NRXN1: variants seen among roughly 807,000 people sequenced by gnomAD.
NRXN1 encodes the protein neurexin-1.
Under a neutral mutation model 150.9 loss-of-function variants are expected in NRXN1, and 39 were observed. That is an observed-to-expected ratio of 0.26 (90% confidence interval 0.20 to 0.34). The LOEUF is 0.34. Among genes scored for constraint, NRXN1 ranks in the 10% least tolerant of loss-of-function variants. The pLI is 1.00. For missense variants in NRXN1, 1,815 were observed against 1,949.9 expected, an observed-to-expected ratio of 0.93 and a Z score of 1.30; for synonymous variants, 924 against 757.0, an observed-to-expected ratio of 1.22 and a Z score of -3.62.
At chr2:50,531,455 A>C (rs765236507) in intron 10 of NRXN1, 25 bp from the exon 11 acceptor site, 6 of 1,566,564 alleles carry the variant, frequency 3.8e-6, no homozygotes, top group Non-Finnish European at 4.4e-6. Flanking sequence ...TGAATATGAT[A>C]AGTTCTTGGA....
At chr2:50,637,791 T>C (rs1371839137) in intron 5 of NRXN1, among the ~76,000 whole-genome samples, 2 of 152,020 alleles carry the variant, frequency 1.3e-5, no homozygotes, top group Non-Finnish European at 2.9e-5. Flanking sequence ...AGCAGGGACA[T>C]GCCAGAGAAT....
intron 8 of NRXN1, chr2:50,589,499 G>A (rs1198820636): frequency 7.3e-6 from 1 of 137,910 alleles, no homozygotes; most frequent in East Asian, 2.2e-4. Flanking sequence ...TAGGACCACA[G>A]GTGTGAACCA....
At chr2:50,569,643 T>C (rs1670367551) in intron 8 of NRXN1, among the ~76,000 whole-genome samples, 1 of 152,088 alleles carries the variant, frequency 6.6e-6, no homozygotes, top group African/African-American at 2.4e-5. Context: ...TCTCTGATAT[T>C]CACCCGTCTA....
At chr2:49,969,254 C>G (rs1677517239) in intron 21 of NRXN1, among the ~76,000 whole-genome samples, 1 of 151,982 alleles carries the variant, frequency 6.6e-6, no homozygotes, top group Admixed American at 6.6e-5. Context: ...ATGATCCACT[C>G]AAATCTAGCT....
intron 22 of NRXN1, among the ~76,000 whole-genome samples, chr2:49,934,040 T>C (rs1670589281): frequency 6.6e-6 from 1 of 152,214 alleles, no homozygotes; most frequent in African/African-American, 2.4e-5. Context: ...CTGTGAGACA[T>C]TCTATCTTTA....
rs566334667 is a variant in NRXN1 at position 50,154,415 on chromosome 2, T to C, written c.3547-62921A>G. Among the ~76,000 whole-genome samples the C allele has an allele frequency of 5.3e-5, 8 of 151,724 alleles. No homozygotes were observed. In the South Asian group the frequency reaches 6.2e-4, roughly 12 times the overall value. ...TGGAAAAAATTAAGAAGCATGGGAATTGTAAATAATCAAGGATGTATAATA... is the reference window on the plus strand; with the variant it reads ...TGGAAAAAATTAAGAAGCATGGGAACTGTAAATAATCAAGGATGTATAATA... On this transcript the variant is annotated intron_variant, in intron 18 of 22. Transcript: ENST00000401669.
At chr2:50,749,310 A>G (rs1169626714) in intron 5 of NRXN1, among the ~76,000 whole-genome samples, 3 of 152,150 alleles carry the variant, frequency 2.0e-5, no homozygotes, top group Non-Finnish European at 4.4e-5. Flanking sequence ...CATTGTTCAG[A>G]ATTGGACTAG....
chr2:50,864,548 C>T (rs185131654), intron 5 of NRXN1, among the ~76,000 whole-genome samples: 23 of 152,020 alleles, frequency 1.5e-4, no homozygotes, highest in East Asian at 1.4e-3. Context: ...ACTGATTACT[C>T]GAAATAATCT....
At chr2:50,638,517 T>C (rs1683565276) in intron 5 of NRXN1, among the ~76,000 whole-genome samples, 1 of 152,136 alleles carries the variant, frequency 6.6e-6, no homozygotes, top group African/African-American at 2.4e-5. Flanking sequence ...TTAGAGAACA[T>C]TCTGGCCAAA....
chr2:50,868,316 T>C (rs1677263072), intron 5 of NRXN1, among the ~76,000 whole-genome samples: 1 of 150,326 alleles, frequency 6.7e-6, no homozygotes, highest in Non-Finnish European at 1.5e-5. Context: ...ATACTTCATG[T>C]TCTCACCTAT....
At chr2:50,463,170 T>G (rs2088426238) in intron 17 of NRXN1, among the ~76,000 whole-genome samples, 1 of 151,936 alleles carries the variant, frequency 6.6e-6, no homozygotes, top group Admixed American at 6.6e-5. Flanking sequence ...TTGTGCATCT[T>G]AGAGAAAAAC....
chr2:50,744,188 G>A (rs1336284413), intron 5 of NRXN1, among the ~76,000 whole-genome samples: 2 of 151,886 alleles, frequency 1.3e-5, no homozygotes, highest in Admixed American at 6.6e-5. Context: ...GTTACAAGAA[G>A]GAATAATAAT....
intron 9 of NRXN1, among the ~76,000 whole-genome samples, chr2:50,540,247 A>G (rs752961783): frequency 6.6e-6 from 1 of 152,228 alleles, no homozygotes; most frequent in Non-Finnish European, 1.5e-5. Flanking sequence ...CTAGGGAAGC[A>G]GCTAAAAGAG....
Position 50,910,207 on chromosome 2 carries a change from A to G in NRXN1, c.832+11662T>C, listed in dbSNP as rs1175169570. 3.3e-5 allele frequency among the ~76,000 whole-genome samples: 5 copies of G among 152,064 alleles called. No individual in the cohort carries two copies. The East Asian group carries it at 9.7e-4, about 30-fold the overall frequency. ...CTTTGACTTTTTTGATCTTTCCTCC[A>G]TGTAGTTTGTGATTTAAAAAGTTAG... On this transcript the variant is annotated intron_variant, in intron 5 of 22. Coordinates refer to ENST00000401669, the MANE Select transcript of NRXN1 (RefSeq NM_001330078.2).
intron 5 of NRXN1, among the ~76,000 whole-genome samples, chr2:50,789,985 T>A (rs1226340289): frequency 6.6e-6 from 1 of 152,174 alleles, no homozygotes; most frequent in African/African-American, 2.4e-5. Flanking sequence ...GCTCTTATCA[T>A]CTCAGTTTAT....
chr2:50,370,242 G>A (rs770211155), intron 17 of NRXN1, among the ~76,000 whole-genome samples: 4 of 152,082 alleles, frequency 2.6e-5, no homozygotes, highest in Admixed American at 2.6e-4. Flanking sequence ...TTGTCAGCAG[G>A]TGTTTTTCTT....
At chr2:50,091,112 T>C (rs1460769850) in intron 19 of NRXN1, among the ~76,000 whole-genome samples, 2 of 152,250 alleles carry the variant, frequency 1.3e-5, no homozygotes, top group Admixed American at 6.5e-5. Context: ...AAAACGATAA[T>C]GTACACCTTC....
In NRXN1 at chr2:50,219,984, ATT is replaced by A. The variant is rs1491500171; in HGVS notation, c.3546+16803_3546+16804del. On this transcript the variant is annotated intron_variant, in intron 18 of 22. Transcript: ENST00000401669. ...TATATTATATATATATAATATATAT[ATT>A]ATATATAATATATATTATATAATAT... Among the ~76,000 whole-genome samples the A allele has an allele frequency of 1.3e-4, 6 of 44,728 alleles. No homozygotes were observed. In the South Asian group the frequency reaches 1.4e-3, roughly 10 times the overall value. 29.3% of individuals were successfully genotyped at this position (44,728 alleles called of 152,430 possible).
rs1460985621 is a variant in NRXN1 at position 50,552,945 on chromosome 2, T to C, written c.1401A>G (p.Gly467=). The change falls in exon 9 of 23, where the codon GGA becomes GGG. Residue 467 remains glycine (G), a synonymous_variant. Coordinates refer to ENST00000401669, the MANE Select transcript of NRXN1 (RefSeq NM_001330078.2). ...KQGDPKMKIH[G]VVAFKCENVA... ...CATTCTCACATTTAAATGCCACCACTCCATGGATCTTCATCTTAGGATCTC... is the reference window on the plus strand; with the variant it reads ...CATTCTCACATTTAAATGCCACCACCCCATGGATCTTCATCTTAGGATCTC... 6.2e-7 allele frequency: 1 copy of C among 1,613,788 alleles called. No individual in the cohort carries two copies.
Sources: allele counts gnomAD v4.1 joint callset (sites outside exome capture counted in the v4.1 genomes callset), GRCh38; gene constraint gnomAD v4.1.1; transcripts MANE v1.5; gene names NCBI Gene and HGNC (gene_info 2026-07-23, HGNC 2026-07-21).